CSMD2: variants seen among roughly 807,000 people sequenced by gnomAD.
CSMD2 encodes the protein CUB and sushi domain-containing protein 2.
Under a neutral mutation model 398.5 loss-of-function variants are expected in CSMD2, and 130 were observed. The ratio of observed to expected loss-of-function variants is 0.33; its 90% confidence interval spans 0.28 to 0.38. The LOEUF is 0.38. Among genes scored for constraint, CSMD2 ranks in the 10% least tolerant of loss-of-function variants. CSMD2 has a pLI of 1.00. For missense variants in CSMD2, 3,829 were observed against 4,764.9 expected, an observed-to-expected ratio of 0.80 and a Z score of 5.78; for synonymous variants, 1,828 against 1,908.5, an observed-to-expected ratio of 0.96 and a Z score of 1.10.
At chr1:33,680,814 C>A (rs1231217459) in intron 25 of CSMD2, among the ~76,000 whole-genome samples, 1 of 151,570 alleles carries the variant, frequency 6.6e-6, no homozygotes, top group African/African-American at 2.4e-5. Context: ...GAAAAATTAA[C>A]CTTTATTGTG....
chr1:34,129,485 A>C (rs1663101402), intron 1 of CSMD2, among the ~76,000 whole-genome samples: 1 of 151,950 alleles, frequency 6.6e-6, no homozygotes, highest in South Asian at 2.1e-4. Flanking sequence ...CCCCATCTCT[A>C]CTAAAAATAA....
intron 25 of CSMD2, among the ~76,000 whole-genome samples, chr1:33,686,876 C>T (rs771416481): frequency 2.6e-5 from 4 of 152,232 alleles, no homozygotes; most frequent in African/African-American, 4.8e-5. Flanking sequence ...GACTTACAGC[C>T]TGCTGTGCTT....
chr1:33,525,654 A>C (rs1250726185), intron 65 of CSMD2, among the ~76,000 whole-genome samples: 1 of 152,200 alleles, frequency 6.6e-6, no homozygotes, highest in Non-Finnish European at 1.5e-5. Flanking sequence ...ATAGTTAATA[A>C]GAATGTATTG....
At chr1:33,929,004 C>A (rs549884579) in intron 4 of CSMD2, among the ~76,000 whole-genome samples, 1 of 152,176 alleles carries the variant, frequency 6.6e-6, no homozygotes, top group Non-Finnish European at 1.5e-5. Context: ...GCGTCTCAAA[C>A]GTTACCTGGA....
chr1:34,161,247 A>G (rs1421429234), intron 1 of CSMD2, among the ~76,000 whole-genome samples: 1 of 152,228 alleles, frequency 6.6e-6, no homozygotes, highest in East Asian at 1.9e-4. Context: ...GAAGATGTCC[A>G]AGGATCAGCT....
Position 33,633,432 on chromosome 1 carries a change from G to A in CSMD2, c.5190C>T (p.Gly1730=). The A allele has an allele frequency of 6.4e-7, 1 of 1,551,516 alleles. No individual in the cohort carries two copies. The highest frequency in any genetic ancestry group is 8.7e-7 in the Non-Finnish European group (1 of 1,147,028). ...QHSRLLSSLS[G]SHTGESLPLA... is the part of the protein sequence containing the mutation. ...CCGAGCCCCGGATACCTGTATGGGAGCCCGAGAGGGAGCTGAGGAGCCGCG... is the reference window on the plus strand; with the variant it reads ...CCGAGCCCCGGATACCTGTATGGGAACCCGAGAGGGAGCTGAGGAGCCGCG... Residue 1730 remains glycine (G), a synonymous_variant, in exon 32 of 71, where the codon GGC becomes GGT. Transcript: ENST00000373381. This position sits in a 1 kb window ranked among gnomAD's most constrained non-coding sequence, Gnocchi z 5.0.
chr1:33,947,573 C>T (rs1273953084), intron 3 of CSMD2, among the ~76,000 whole-genome samples: 1 of 152,146 alleles, frequency 6.6e-6, no homozygotes, highest in East Asian at 1.9e-4. Context: ...CCCAAGGCTC[C>T]AGACCCACGG....
intron 25 of CSMD2, among the ~76,000 whole-genome samples, chr1:33,678,813 A>C (rs1039556555): frequency 1.3e-5 from 2 of 152,196 alleles, no homozygotes; most frequent in Admixed American, 1.3e-4. Flanking sequence ...GCAAAATAAA[A>C]GGCTCTTCTC....
At chr1:34,026,598 A>G (rs1420929430) in intron 3 of CSMD2, among the ~76,000 whole-genome samples, 1 of 152,246 alleles carries the variant, frequency 6.6e-6, no homozygotes, top group Non-Finnish European at 1.5e-5. Flanking sequence ...GCAGAGGTGC[A>G]ACCAGGATTA....
intron 13 of CSMD2, among the ~76,000 whole-genome samples, chr1:33,752,470 G>A (rs983676600): frequency 6.6e-6 from 1 of 152,226 alleles, no homozygotes; most frequent in Non-Finnish European, 1.5e-5. Flanking sequence ...ACCAGGAGCT[G>A]AGCAGATGTT....
chr1:33,787,924 T>C (rs1653732644), intron 12 of CSMD2, among the ~76,000 whole-genome samples: 2 of 152,308 alleles, frequency 1.3e-5, no homozygotes, highest in African/African-American at 2.4e-5. Flanking sequence ...CCTAGCCCTA[T>C]GCACAGAGTC....
intron 13 of CSMD2, among the ~76,000 whole-genome samples, chr1:33,763,066 C>G (rs914773204): frequency 6.6e-6 from 1 of 152,156 alleles, no homozygotes; most frequent in Non-Finnish European, 1.5e-5. Context: ...AACTTAATAG[C>G]AACAGCATAT....
intron 58 of CSMD2, among the ~76,000 whole-genome samples, chr1:33,542,061 T>G (rs1334621657): frequency 1.3e-5 from 2 of 152,174 alleles, no homozygotes; most frequent in Non-Finnish European, 2.9e-5. Context: ...CAAAGTGAAC[T>G]TGACACGGGA....
rs569241350 is a variant in CSMD2, at chr1:33,701,065, A to T, written c.3577-392T>A. 5.3e-4 allele frequency among the ~76,000 whole-genome samples: 81 copies of T among 152,134 alleles called. 1 individual carries two copies. Among genetic ancestry groups the T allele is most frequent in the Admixed American group, 2.0e-4 (3 of 15,268 alleles). On this transcript the variant is annotated intron_variant, in intron 22 of 70. Coordinates refer to ENST00000373381, the MANE Select transcript of CSMD2 (RefSeq NM_001281956.2). The stretch of plus-strand genomic sequence containing the variant: ...CTGTTTCTTCAGAGAGACAGGCTGA[A>T]AGCATTCATCTCTACATTGCTAAAC...
At chr1:33,733,631 T>C (rs375887845) in intron 15 of CSMD2, among the ~76,000 whole-genome samples, 3 of 152,100 alleles carry the variant, frequency 2.0e-5, no homozygotes, top group African/African-American at 7.2e-5. Context: ...AATCGGATCA[T>C]GGGGGCAGTT....
In CSMD2 at chr1:33,810,737, G is replaced by C; in HGVS notation, c.1446+6C>G. 1 of 1,612,490 alleles carries C rather than the reference G, an allele frequency of 6.2e-7. No individual in the cohort carries two copies. Among genetic ancestry groups the C allele is most frequent in the Non-Finnish European group, 8.5e-7 (1 of 1,179,358 alleles). ...AGAACACCACCCCGCTCCCCAAGAG[G>C]CTTACCTTGGAGGGGTTGAGTGCTG... is the stretch of plus-strand genomic sequence containing the variant. On this transcript the variant is annotated splice_donor_region_variant and intron_variant, in intron 10 of 70. Coordinates refer to ENST00000373381, the MANE Select transcript of CSMD2 (RefSeq NM_001281956.2).
intron 55 of CSMD2, 30 bp from the exon 56 acceptor site, chr1:33,550,380 C>T (rs747248764): frequency 6.2e-7 from 1 of 1,604,098 alleles, no homozygotes; most frequent in Admixed American, 1.7e-5. Flanking sequence ...ATCTCAATGA[C>T]TCTGCACAGG....
chr1:33,944,786 T>C (rs981894076), intron 3 of CSMD2, among the ~76,000 whole-genome samples: 15 of 152,128 alleles, frequency 9.9e-5, no homozygotes, highest in African/African-American at 3.6e-4. Context: ...GGGGCTACAA[T>C]GCAGGTTGGG....
At chr1:34,008,005 C>T (rs1298291153) in intron 3 of CSMD2, among the ~76,000 whole-genome samples, 1 of 152,138 alleles carries the variant, frequency 6.6e-6, no homozygotes, top group African/African-American at 2.4e-5. Flanking sequence ...AATTGTTTGA[C>T]TATTTGAAAA....
Sources: allele counts gnomAD v4.1 joint callset (sites outside exome capture counted in the v4.1 genomes callset), GRCh38; gene constraint gnomAD v4.1.1; non-coding constraint Gnocchi (gnomAD v3.1); transcripts MANE v1.5; gene names NCBI Gene and HGNC (gene_info 2026-07-23, HGNC 2026-07-21).